Variants in CSNK2A2IP observed in about 807,000 individuals in gnomAD.
The protein encoded by CSNK2A2IP is casein kinase 2 subunit alpha' interacting protein, also known as casein kinase II subunit alpha'-interacting protein.
At chr3:88,446,753 T>C in the CSNK2A2IP span, among the ~76,000 whole-genome samples, 3 of 152,222 alleles carry the variant, frequency 2.0e-5, no homozygotes, top group Non-Finnish European at 2.9e-5. Context: ...GATTTGACGA[T>C]ATACACACAT....
chr3:88,453,726 G>A, the CSNK2A2IP span, among the ~76,000 whole-genome samples: 1 of 152,026 alleles, frequency 6.6e-6, no homozygotes, highest in South Asian at 2.1e-4. Context: ...CCAGCTTTAT[G>A]TCTATTGATT....
the CSNK2A2IP span, among the ~76,000 whole-genome samples, chr3:88,404,066 T>G: frequency 6.6e-6 from 1 of 151,518 alleles, no homozygotes; most frequent in Non-Finnish European, 1.5e-5. Context: ...TTGGAAGAAA[T>G]GAATGTTTAA....
At chr3:88,364,427 T>G in the CSNK2A2IP span, among the ~76,000 whole-genome samples, 3 of 152,020 alleles carry the variant, frequency 2.0e-5, no homozygotes, top group African/African-American at 7.2e-5. Context: ...TTGCCGTGGA[T>G]TCAACAAATG....
chr3:88,350,446 C>T, the CSNK2A2IP span, among the ~76,000 whole-genome samples: 94 of 151,884 alleles, frequency 6.2e-4, 1 homozygote, highest in Non-Finnish European at 1.0e-3. Flanking sequence ...AGGAATTCAT[C>T]GCTAGGACTG....
At chr3:88,348,189 AT>A in the CSNK2A2IP span, among the ~76,000 whole-genome samples, 7,247 of 150,984 alleles carry the variant, frequency 0.048, 534 homozygotes, top group African/African-American at 0.16. Context: ...AGACAGAATG[AT>A]TTTTTTTTTA....
the CSNK2A2IP span, among the ~76,000 whole-genome samples, chr3:88,422,134 CT>C: frequency 2.0e-5 from 3 of 151,830 alleles, no homozygotes; most frequent in South Asian, 4.2e-4. Flanking sequence ...TTTTATTAGA[CT>C]TTTTTTTGTA....
At chr3:88,426,679 T>A in the CSNK2A2IP span, among the ~76,000 whole-genome samples, 1 of 152,126 alleles carries the variant, frequency 6.6e-6, no homozygotes, top group Non-Finnish European at 1.5e-5. Context: ...CTTTCCCCCC[T>A]TTTGCTCAGC....
At chr3:88,393,299 ATAGT>A in the CSNK2A2IP span, among the ~76,000 whole-genome samples, 2 of 152,218 alleles carry the variant, frequency 1.3e-5, no homozygotes, top group African/African-American at 4.8e-5. Context: ...AACTTGTGTA[ATAGT>A]TAGATATTTC....
the CSNK2A2IP span, among the ~76,000 whole-genome samples, chr3:88,409,127 A>G: frequency 3.9e-5 from 6 of 152,248 alleles, no homozygotes; most frequent in East Asian, 1.2e-3. Context: ...AATTTTAAAA[A>G]TTAAAGATGC....
chr3:88,464,378 A>G, the CSNK2A2IP span, among the ~76,000 whole-genome samples: 1 of 151,424 alleles, frequency 6.6e-6, no homozygotes, highest in Non-Finnish European at 1.5e-5. Flanking sequence ...CACCGATGTG[A>G]TTACTTAGGA....
chr3:88,357,620 A>G, the CSNK2A2IP span, among the ~76,000 whole-genome samples: 1 of 152,214 alleles, frequency 6.6e-6, no homozygotes, highest in East Asian at 1.9e-4. Flanking sequence ...TGTGAAGAAC[A>G]TCATTGTTAT....
At chr3:88,342,583 C>A in the CSNK2A2IP span, among the ~76,000 whole-genome samples, 62,467 of 151,630 alleles carry the variant, frequency 0.41, 14,782 homozygotes, top group South Asian at 0.6. Flanking sequence ...AATTAAACTC[C>A]TTTAAATGTA....
At chr3:88,435,194 C>T in the CSNK2A2IP span, among the ~76,000 whole-genome samples, 4 of 152,084 alleles carry the variant, frequency 2.6e-5, no homozygotes, top group African/African-American at 9.7e-5. Flanking sequence ...TTGAAGTATC[C>T]ATTCTTCCCC....
chr3:88,440,595 G>A, the CSNK2A2IP span, among the ~76,000 whole-genome samples: 1 of 152,056 alleles, frequency 6.6e-6, no homozygotes, highest in Non-Finnish European at 1.5e-5. Flanking sequence ...GTACTTTTTG[G>A]ATAATCAACT....
the CSNK2A2IP span, among the ~76,000 whole-genome samples, chr3:88,374,881 G>C: frequency 6.6e-6 from 1 of 151,610 alleles, no homozygotes; most frequent in East Asian, 1.9e-4. Context: ...ATTCCCAATG[G>C]ATGACGACTG....
the CSNK2A2IP span, among the ~76,000 whole-genome samples, chr3:88,439,880 A>G: frequency 0.014 from 2,075 of 152,304 alleles, 40 homozygotes; most frequent in African/African-American, 0.048. Context: ...CGGTTTACAC[A>G]TGAGTAGTCA....
chr3:88,375,039 A>G, the CSNK2A2IP span, among the ~76,000 whole-genome samples: 1 of 151,840 alleles, frequency 6.6e-6, no homozygotes, highest in South Asian at 2.1e-4. Context: ...AAAGAAAAGT[A>G]AAGGAATAAG....
the CSNK2A2IP span, among the ~76,000 whole-genome samples, chr3:88,378,629 C>T: frequency 6.6e-6 from 1 of 151,944 alleles, no homozygotes; most frequent in Non-Finnish European, 1.5e-5. Context: ...CTGAATAATA[C>T]AGCTCTAAAC....
At chr3:88,369,675 G>T in the CSNK2A2IP span, among the ~76,000 whole-genome samples, 2 of 151,930 alleles carry the variant, frequency 1.3e-5, no homozygotes, top group African/African-American at 4.8e-5. Flanking sequence ...AGCAGGGAGA[G>T]AGTAGAGGTG....
Sources: gnomAD v4.1 joint callset for allele counts (sites outside exome capture counted in the v4.1 genomes callset) on GRCh38, gnomAD v4.1.1 for gene constraint, MANE v1.5 for transcripts, NCBI Gene and HGNC (gene_info 2026-07-23, HGNC 2026-07-21) for gene names.